Variants in ABCB4 observed in about 807,000 individuals in gnomAD.
The protein encoded by ABCB4 is ATP binding cassette subfamily B member 4.
A neutral mutation model predicts 145.7 loss-of-function variants in ABCB4; 76 were observed. The ratio of observed to expected loss-of-function variants is 0.52; its 90% CI spans 0.43 to 0.63. The LOEUF (loss-of-function observed/expected upper bound fraction) is 0.63. Ranked by LOEUF, ABCB4 falls within the 30% of genes least tolerant of loss-of-function variation. The probability of loss-of-function intolerance (pLI) is 0.00; values close to 1 mark genes in which losing one functional copy is unlikely to be tolerated. For missense variants in ABCB4, 1,234 were observed against 1,553.1 expected (o/e 0.79, Z 3.45); for synonymous variants, 517 against 566.8 (o/e 0.91, Z 1.25).
At chr7:87,369,437 T>C in the ABCB4 span, 1 of 1,613,548 alleles carries the variant, frequency 6.2e-7, no homozygotes, top group South Asian at 1.1e-5. Context: ...CTTTTGTCTT[T>C]GATGTAATAC....
intron 21 of ABCB4, among the ~76,000 whole-genome samples, chr7:87,415,677 G>A (rs965774901): frequency 1.6e-4 from 24 of 152,282 alleles, no homozygotes; most frequent in African/African-American, 5.1e-4. Context: ...GACTAGAGAA[G>A]TTGGGGATCT....
chr7:87,409,429 A>G, intron 23 of ABCB4, 37 bp from the exon 24 acceptor site: 3 of 1,605,596 alleles, frequency 1.9e-6, no homozygotes, highest in African/African-American at 1.3e-5. Context: ...ATTAGCTTTT[A>G]TAATTAACTC....
At chr7:87,464,037 A>C (rs945916196) in intron 3 of ABCB4, among the ~76,000 whole-genome samples, 6 of 151,752 alleles carry the variant, frequency 4.0e-5, no homozygotes, top group African/African-American at 1.5e-4. Flanking sequence ...CCTCTCTTTT[A>C]AAATGCTTTA....
chr7:87,392,686 G>A, the ABCB4 span: 2 of 1,610,252 alleles, frequency 1.2e-6, no homozygotes, highest in Non-Finnish European at 1.7e-6. Context: ...ATCTCTCATG[G>A]TGAAAAATTT....
At position 87,424,036 on chromosome 7, in the gene ABCB4, G is replaced by C; in HGVS notation, c.2081C>G (p.Pro694Arg). The C allele has an allele frequency of 6.2e-7, 1 of 1,614,064 alleles. No individual in the cohort carries two copies. ...ETDGLEANVPPVSFLKVLKLN... is the reference protein window; with the variant it reads ...ETDGLEANVPRVSFLKVLKLN... ...TTTCAGGACCTTCAGAAAGGACACT[G>C]GTGGCACATTTGCTTCCTAGAACAT... Residue 694 changes from proline (P) to arginine (R), a missense_variant, in exon 17 of 28, where the codon CCA (proline) becomes CGA (arginine). Around this residue, in one of 7 missense-constraint regions of ABCB4, gnomAD observed 321 missense variants for 332.6 expected, o/e 0.97. Transcript: ENST00000649586.
chr7:87,376,068 T>G, the ABCB4 span: 1 of 980,664 alleles, frequency 1.0e-6, no homozygotes, highest in African/African-American at 1.6e-5. Context: ...AAACTTTTTC[T>G]TAGTTATACA....
At chr7:87,412,490 T>C (rs1808691211) in intron 22 of ABCB4, among the ~76,000 whole-genome samples, 1 of 152,142 alleles carries the variant, frequency 6.6e-6, no homozygotes, top group African/African-American at 2.4e-5. Flanking sequence ...AAAAGTTGAG[T>C]CCCTGAAGTT....
chr7:87,381,274 T>C, the ABCB4 span, among the ~76,000 whole-genome samples: 2 of 152,162 alleles, frequency 1.3e-5, no homozygotes, highest in African/African-American at 2.4e-5. Flanking sequence ...AAAAACTTTG[T>C]TCTTCAAAAT....
chr7:87,427,437 A>C (rs1158549346), intron 15 of ABCB4, among the ~76,000 whole-genome samples: 1 of 152,146 alleles, frequency 6.6e-6, no homozygotes, highest in Non-Finnish European at 1.5e-5. Context: ...CCCAACATGC[A>C]GGCTCAGCCT....
At chr7:87,451,962 G>A (rs529042183) in intron 6 of ABCB4, among the ~76,000 whole-genome samples, 168 bp from the exon 7 acceptor site, 14 of 152,232 alleles carry the variant, frequency 9.2e-5, no homozygotes, top group Non-Finnish European at 1.3e-4. Flanking sequence ...ACCGCACAAA[G>A]GAAGAAATTC....
chr7:87,401,245 G>C (rs1433831322), downstream of ABCB4, among the ~76,000 whole-genome samples: 1 of 152,314 alleles, frequency 6.6e-6, no homozygotes, highest in East Asian at 1.9e-4. Flanking sequence ...ACCTGATAGA[G>C]CGCTAAGAAC....
At chr7:87,436,728 C>T (rs1047403983) in intron 14 of ABCB4, among the ~76,000 whole-genome samples, 7 of 152,302 alleles carry the variant, frequency 4.6e-5, no homozygotes, top group African/African-American at 1.7e-4. Flanking sequence ...CATCCCATTT[C>T]CCTGGAGTAG....
intron 13 of ABCB4, 89 bp from the exon 14 acceptor site, chr7:87,439,926 G>A: frequency 1.3e-6 from 2 of 1,532,172 alleles, no homozygotes; most frequent in Non-Finnish European, 9.0e-7. Context: ...ACAACATGGA[G>A]CTTTGTCTTA....
intron 5 of ABCB4, among the ~76,000 whole-genome samples, chr7:87,453,794 T>C (rs1811924929): frequency 6.6e-6 from 1 of 152,180 alleles, no homozygotes; most frequent in Non-Finnish European, 1.5e-5. Flanking sequence ...TATCTTATTG[T>C]ACTGAAAAGT....
chr7:87,445,042 T>G (rs1391113479), intron 9 of ABCB4, 67 bp from the exon 10 acceptor site: 1 of 1,043,400 alleles, frequency 9.6e-7, no homozygotes, highest in African/African-American at 1.6e-5. Context: ...TAAAATGTGA[T>G]GTATATGTAA....
chr7:87,402,549 ATCT>A (rs1562945707), intron 27 of ABCB4, among the ~76,000 whole-genome samples: 1 of 152,162 alleles, frequency 6.6e-6, no homozygotes, highest in African/African-American at 2.4e-5. Context: ...AAATTTTCTA[ATCT>A]TCTGTTTAAC....
At position 87,440,334 on chromosome 7, in the gene ABCB4, C is replaced by G; in HGVS notation, c.1425G>C (p.Val475=). ...VNYLREIIGV[V]SQEPVLFSTT... ...TGGAAAACAGCACCGGCTCCTGACT[C>G]ACCACACCAATGATTTCCCTCAGAT... Residue 475 remains valine, a synonymous_variant, in exon 13 of 28, where the codon GTG becomes GTC. Transcript: ENST00000649586. 2 of 1,614,164 alleles carry G rather than the reference C, an allele frequency of 1.2e-6. No individual in the cohort carries two copies. Among genetic ancestry groups the G allele is most frequent in the Non-Finnish European group, 1.7e-6 (2 of 1,180,026 alleles).
rs10647775 is a variant in ABCB4, at chr7:87,426,944, A to AGT, written c.1894-26_1894-25dup. 0.28 allele frequency: 281,679 copies of AGT among 1,009,872 alleles called. 8,379 individuals are homozygous for AGT. The highest frequency in any genetic ancestry group is 0.29 in the South Asian group (21,083 of 71,676). The allele number at this position is 1,009,872 out of a possible 1,614,324, so 62.6% of individuals were successfully genotyped here. On this transcript the variant is annotated intron_variant, in intron 15 of 27. Coordinates refer to ENST00000649586, the MANE Select transcript of ABCB4 (RefSeq NM_000443.4). ...GTCTGAAAGAATATCAAGACATTAA[A>AGT]GTGTGTGTGTGTGTGTGTGTGTGTG...
At chr7:87,420,217 G>A in intron 18 of ABCB4, 142 bp from the exon 19 acceptor site, 1 of 757,198 alleles carries the variant, frequency 1.3e-6, no homozygotes, top group Non-Finnish European at 2.3e-6. Context: ...AATAACCTGA[G>A]CAGCCCCAGA....
Sources: gnomAD v4.1 joint callset for allele counts (sites outside exome capture counted in the v4.1 genomes callset) on GRCh38, gnomAD v4.1.1 for gene constraint, gnomAD v4.1.1 regional missense constraint, MANE v1.5 for transcripts, NCBI Gene and HGNC (gene_info 2026-07-23, HGNC 2026-07-21) for gene names.